The following N4BP2L2 variants were observed in gnomAD, a reference collection of about 807,000 sequenced individuals.
N4BP2L2 encodes the protein NEDD4 binding protein 2 like 2.
In N4BP2L2, 50 loss-of-function variants were observed where a neutral mutation model predicts 56.2. The observed-to-expected ratio is 0.89, with a 90% confidence interval of 0.71 to 1.13. The LOEUF (loss-of-function observed/expected upper bound fraction) is 1.13. Ranked by LOEUF, N4BP2L2 falls within the 50% of genes most tolerant of loss-of-function variation. N4BP2L2 has a pLI of 0.00. For missense variants in N4BP2L2, 689 were observed against 693.8 expected (o/e 0.99, Z 0.08); for synonymous variants, 203 against 223.6 (o/e 0.91, Z 0.82).
At chr13:32,492,916 G>GTTTTTTTTTTTT (rs35025430) in intron 6 of N4BP2L2, among the ~76,000 whole-genome samples, 9 of 107,516 alleles carry the variant, frequency 8.4e-5, no homozygotes, top group African/African-American at 2.6e-4. Flanking sequence ...TAGCTTTTCT[G>GTTTTTTTTTTTT]TTTTTTTTTT....
At chr13:32,443,882 C>A in exon 7 of N4BP2L2, 1 of 1,568,270 alleles carries the variant, frequency 6.4e-7, no homozygotes, top group Non-Finnish European at 8.6e-7. Context: ...TATCCAGTCA[C>A]AAAATCTCCG....
exon 6 of N4BP2L2, chr13:32,510,987 G>C (rs2139765378): frequency 6.7e-6 from 1 of 150,338 alleles, no homozygotes; most frequent in South Asian, 2.1e-4. Context: ...AAAAAAAAAA[G>C]ATAACTATGT....
chr13:32,443,233 G>A (rs766798218), exon 7 of N4BP2L2: 4 of 1,613,744 alleles, frequency 2.5e-6, no homozygotes, highest in Non-Finnish European at 3.4e-6. Flanking sequence ...CAATATTTCT[G>A]GATTGTTTCC....
chr13:32,531,570 T>C (rs1301408338), intron 2 of N4BP2L2, among the ~76,000 whole-genome samples: 1 of 152,212 alleles, frequency 6.6e-6, no homozygotes, highest in Non-Finnish European at 1.5e-5. Flanking sequence ...ATCCTGAGAC[T>C]ACTTTACTGG....
rs142878907 is a variant in N4BP2L2, at chr13:32,434,162, C to T, written c.*22-1190G>A. ...TGCGATCTCAGCTCACTGCAACCTC[C>T]GCCTCCCGGGTTCAAACAATTCTCC... On this transcript the variant is annotated intron_variant, in intron 9 of 9. Coordinates refer to the N4BP2L2 transcript ENST00000357505. Among the ~76,000 whole-genome samples, 1,240 of 150,800 alleles carry T rather than the reference C, an allele frequency of 8.2e-3. 17 individuals carry two copies. Among genetic ancestry groups the T allele is most frequent in the African/African-American group, 0.027 (1,129 of 41,278 alleles).
intron 2 of N4BP2L2, among the ~76,000 whole-genome samples, chr13:32,528,612 C>T (rs1566182345): frequency 6.6e-6 from 1 of 152,094 alleles, no homozygotes; most frequent in African/African-American, 2.4e-5. Flanking sequence ...TGATTTGGAT[C>T]CAAGAACAAC....
chr13:32,526,837 T>TTTTTTTTTTTTTG (rs2053091079), intron 3 of N4BP2L2: 1 of 143,946 alleles, frequency 6.9e-6, no homozygotes, highest in Non-Finnish European at 1.5e-5. Flanking sequence ...TTTTTTTTTT[T>TTTTTTTTTTTTTG]TTTTTTTTTG....
intron 6 of N4BP2L2, chr13:32,478,342 A>T (rs962459107): frequency 1.2e-5 from 3 of 253,378 alleles, no homozygotes; most frequent in African/African-American, 6.6e-5. Flanking sequence ...AAAACTATAT[A>T]ACGCAATTTC....
intron 8 of N4BP2L2, chr13:32,438,633 C>A: frequency 6.4e-7 from 1 of 1,553,382 alleles, no homozygotes; most frequent in Non-Finnish European, 8.9e-7. Flanking sequence ...CATACACACA[C>A]ACACACACAC....
intron 7 of N4BP2L2, among the ~76,000 whole-genome samples, chr13:32,439,761 C>T (rs1470688510): frequency 6.6e-6 from 1 of 151,398 alleles, no homozygotes; most frequent in Non-Finnish European, 1.5e-5. Context: ...GCCTGTAATC[C>T]CAGCACTTTG....
downstream of N4BP2L2, chr13:32,508,788 T>C (rs2091343825): frequency 6.6e-6 from 1 of 152,194 alleles, no homozygotes. Context: ...TTTTTTAAGT[T>C]ACACGTAGGA....
At chr13:32,497,215 TC>T (rs776220564) in intron 6 of N4BP2L2, among the ~76,000 whole-genome samples, 16 of 152,118 alleles carry the variant, frequency 1.1e-4, no homozygotes, top group Non-Finnish European at 2.4e-4. Flanking sequence ...AACCTCATTT[TC>T]CCCTAATAAA....
intron 2 of N4BP2L2, 81 bp from the exon 3 acceptor site, chr13:32,527,613 C>G: frequency 6.8e-6 from 10 of 1,471,678 alleles, no homozygotes; most frequent in Non-Finnish European, 6.4e-6. Context: ...TAAATATAAC[C>G]AAGTGAAATA....
chr13:32,526,848 C>CTTTTTTTTTTTTTTTTTTTTTTTT (rs1403656970), intron 3 of N4BP2L2: 20 of 49,736 alleles, frequency 4.0e-4, no homozygotes, highest in African/African-American at 8.5e-4. Flanking sequence ...TTTTTTTTTG[C>CTTTTTTTTTTTTTTTTTTTTTTTT]TTTTTTTTAA....
chr13:32,504,593 T>A (rs548803507), intron 6 of N4BP2L2: 1 of 152,310 alleles, frequency 6.6e-6, no homozygotes, highest in Admixed American at 6.5e-5. Context: ...TTGGAGAGCA[T>A]ACAATTCAAC....
At chr13:32,480,591 T>C (rs938668616) in intron 6 of N4BP2L2, 2 of 1,279,412 alleles carry the variant, frequency 1.6e-6, no homozygotes, top group South Asian at 1.2e-5. Flanking sequence ...CCATCTCACC[T>C]GAGTTGCTGT....
At chr13:32,535,857 G>C in exon 2 of N4BP2L2, 3 of 1,613,962 alleles carry the variant, frequency 1.9e-6, no homozygotes, top group Non-Finnish European at 2.5e-6. Context: ...TCTTGAAACT[G>C]CTGGTTCACA....
exon 6 of N4BP2L2, chr13:32,513,843 C>T (rs942508486): frequency 3.3e-5 from 5 of 152,140 alleles, no homozygotes; most frequent in Admixed American, 2.6e-4. Flanking sequence ...TAAAGACTAG[C>T]AAGCCTATCT....
intron 6 of N4BP2L2, among the ~76,000 whole-genome samples, chr13:32,446,770 T>C (rs906517397): frequency 2.6e-5 from 4 of 152,146 alleles, no homozygotes; most frequent in Admixed American, 6.5e-5. Context: ...ACTTGGAAAA[T>C]TGGCTTTTAA....
Sources: allele counts gnomAD v4.1 joint callset (sites outside exome capture counted in the v4.1 genomes callset), GRCh38; gene constraint gnomAD v4.1.1; transcripts MANE v1.5; gene names NCBI Gene and HGNC (gene_info 2026-07-23, HGNC 2026-07-21).